The following PDE3B variants were observed in gnomAD, a reference collection of about 807,000 sequenced individuals.
The protein encoded by PDE3B is phosphodiesterase 3B.
Under a neutral mutation model 116.8 loss-of-function variants are expected in PDE3B, and 66 were observed. The observed-to-expected ratio is 0.56, with a 90% CI of 0.46 to 0.69. PDE3B has a LOEUF of 0.69. Ranked by LOEUF, PDE3B falls within the 30% of genes least tolerant of loss-of-function variation. The pLI is 0.00. For synonymous variants in PDE3B, 595 were observed against 533.6 expected (o/e 1.12, Z -1.59); for missense variants, 1,384 against 1,368.1 (o/e 1.01, Z -0.18).
chr11:14,660,341 G>T (rs1853857535), intron 1 of PDE3B, among the ~76,000 whole-genome samples: 2 of 141,382 alleles, frequency 1.4e-5, no homozygotes, highest in South Asian at 2.3e-4. Flanking sequence ...TCGCCCTGTT[G>T]CCCAGGCTGG....
In PDE3B at chr11:14,789,233, G is replaced by A. The variant is rs1178783526; in HGVS notation, c.1406G>A (p.Gly469Asp). Residue 469 changes from glycine to aspartate, a missense_variant, in exon 4 of 16, where the codon GGC becomes GAC. Coordinates refer to ENST00000282096, the MANE Select transcript of PDE3B (RefSeq NM_000922.4). ...NNGKRPHQEFGISSQGCYLNG... is the reference protein window; with the variant it reads ...NNGKRPHQEFDISSQGCYLNG... ...GGCAAAAGACCTCACCAAGAATTTG[G>A]CATTTCAAGGTAAAATCTGCAGAGC... The A allele has an allele frequency of 4.4e-6, 7 of 1,604,208 alleles. No individual in the cohort carries two copies. Among genetic ancestry groups the A allele is most frequent in the African/African-American group, 1.3e-5 (1 of 74,470 alleles).
intron 5 of PDE3B, among the ~76,000 whole-genome samples, chr11:14,810,675 A>G (rs1859098349): frequency 2.8e-5 from 4 of 143,536 alleles, no homozygotes; most frequent in Admixed American, 7.0e-5. Context: ...TCCTTTGGGT[A>G]TATACCCAGT....
intron 2 of PDE3B, among the ~76,000 whole-genome samples, chr11:14,778,290 C>T (rs1857855073): frequency 6.6e-6 from 1 of 152,128 alleles, no homozygotes; most frequent in African/African-American, 2.4e-5. Context: ...ACTTAAATGT[C>T]CCTGTCTGAC....
At chr11:14,759,543 A>G (rs544873244) in intron 1 of PDE3B, among the ~76,000 whole-genome samples, 1 of 150,512 alleles carries the variant, frequency 6.6e-6, no homozygotes, top group African/African-American at 2.5e-5. Flanking sequence ...TGTCTATCAG[A>G]AGTAGTTTTT....
chr11:14,848,843 T>A (rs1263867902), intron 12 of PDE3B, among the ~76,000 whole-genome samples: 4 of 152,044 alleles, frequency 2.6e-5, no homozygotes, highest in African/African-American at 4.8e-5. Flanking sequence ...TAAAAGAGGA[T>A]ACAAACAAAT....
intron 1 of PDE3B, among the ~76,000 whole-genome samples, chr11:14,671,704 C>G (rs946374950): frequency 1.3e-5 from 2 of 151,948 alleles, no homozygotes; most frequent in Admixed American, 1.3e-4. Flanking sequence ...CTTTCTCCCC[C>G]ATTTATCCCT....
chr11:14,692,611 T>C (rs1855076211), intron 1 of PDE3B, among the ~76,000 whole-genome samples: 1 of 152,134 alleles, frequency 6.6e-6, no homozygotes, highest in Non-Finnish European at 1.5e-5. Flanking sequence ...TCAGCGATCT[T>C]TGATGTTACT....
chr11:14,789,090 T>G lies in PDE3B; in HGVS notation c.1279-16T>G. 6.3e-7 allele frequency: 1 copy of G among 1,586,332 alleles called. No individual in the cohort carries two copies. Among genetic ancestry groups the G allele is most frequent in the Non-Finnish European group, 8.6e-7 (1 of 1,166,850 alleles). On this transcript the variant is annotated splice_polypyrimidine_tract_variant and intron_variant, in intron 3 of 15. Coordinates refer to ENST00000282096, the MANE Select transcript of PDE3B (RefSeq NM_000922.4). ...TAAAGAGTGACATTTTAAACCATTGTTAAATTATTCAACAGGGACTAAATA... is the reference window on the plus strand; with the variant it reads ...TAAAGAGTGACATTTTAAACCATTGGTAAATTATTCAACAGGGACTAAATA...
intron 1 of PDE3B, among the ~76,000 whole-genome samples, chr11:14,686,161 GT>G (rs141143253): frequency 3.5e-3 from 536 of 152,246 alleles, no homozygotes; most frequent in Non-Finnish European, 5.3e-3. Flanking sequence ...TTCTGCCTGG[GT>G]TTTAAATTCT....
At chr11:14,846,435 T>C (rs1442346804) in intron 12 of PDE3B, among the ~76,000 whole-genome samples, 1 of 151,988 alleles carries the variant, frequency 6.6e-6, no homozygotes, top group East Asian at 1.9e-4. Context: ...CATCAACTAA[T>C]GAGCAAAATA....
chr11:14,830,725 A>G lies in PDE3B; in HGVS notation c.1835A>G (p.Glu612Gly), dbSNP rs1229549665. The stretch of plus-strand genomic sequence containing the variant: ...GAAGAAGAAAACATTTTCTCGAAAG[A>G]ATCATTCAAACTTATGGAAACTCAA... Reference protein sequence around the residue: ...SGEEENIFSKESFKLMETQQE... With the variant: ...SGEEENIFSKGSFKLMETQQE... Residue 612 changes from glutamate to glycine, a missense_variant, in exon 8 of 16, where the codon GAA becomes GGA. By Grantham distance (98) the Glu-to-Gly change is moderately conservative. Transcript: ENST00000282096. The G allele has an allele frequency of 2.0e-6, 3 of 1,478,782 alleles. No individual in the cohort carries two copies. Among genetic ancestry groups the G allele is most frequent in the South Asian group, 2.9e-5 (2 of 68,804 alleles). 91.6% of individuals were successfully genotyped at this position (1,478,782 alleles called of 1,614,324 possible). A position where few individuals can be genotyped will look rare whatever the true frequency, so the allele number is the denominator to read the frequency against.
chr11:14,649,054 A>G (rs1336096831), intron 1 of PDE3B, among the ~76,000 whole-genome samples: 1 of 152,190 alleles, frequency 6.6e-6, no homozygotes, highest in African/African-American at 2.4e-5. Flanking sequence ...TATTTCCATT[A>G]TAGTGCATTA....
chr11:14,771,308 ATATTG>A (rs1438220138), intron 1 of PDE3B, among the ~76,000 whole-genome samples: 3 of 151,700 alleles, frequency 2.0e-5, no homozygotes, highest in African/African-American at 7.2e-5. Context: ...AGTGACTACT[ATATTG>A]GGTTGGGAAG....
chr11:14,826,169 A>G (rs1003985035), intron 7 of PDE3B, among the ~76,000 whole-genome samples: 1 of 152,172 alleles, frequency 6.6e-6, no homozygotes, highest in African/African-American at 2.4e-5. Flanking sequence ...AAAAATTTAG[A>G]GAGATCCCAA....
At chr11:14,772,512 A>G (rs1459127676) in intron 2 of PDE3B, 2 of 152,090 alleles carry the variant, frequency 1.3e-5, no homozygotes, top group African/African-American at 2.4e-5. Context: ...TGGTACTGAT[A>G]TGAAGAAATA....
rs142132206 is a variant in PDE3B at position 14,871,304 on chromosome 11, T to C, written c.*1644T>C. 6 of 152,270 alleles carry C rather than the reference T, an allele frequency of 3.9e-5. No individual in the cohort carries two copies. Among genetic ancestry groups the C allele is most frequent in the South Asian group, 2.1e-4 (1 of 4,828 alleles). 9.4% of individuals were successfully genotyped at this position (152,270 alleles called of 1,614,324 possible). On this transcript the variant is annotated 3_prime_UTR_variant, in exon 16 of 16. Transcript: ENST00000282096. Reference sequence around the variant, plus strand: ...TTCCTTGCTGCCACTTTTGTTACCATTGTCACACACTATGTGTAAACCAGT... The same window carrying C: ...TTCCTTGCTGCCACTTTTGTTACCACTGTCACACACTATGTGTAAACCAGT...
At chr11:14,874,377 C>T (rs117043980), downstream of PDE3B, among the ~76,000 whole-genome samples, 2 of 152,006 alleles carry the variant, frequency 1.3e-5, no homozygotes, top group African/African-American at 4.8e-5. Flanking sequence ...GTGAGATAAG[C>T]CCATTTATAT....
intron 12 of PDE3B, among the ~76,000 whole-genome samples, chr11:14,847,281 T>A (rs1379697018): frequency 1.3e-5 from 2 of 151,466 alleles, no homozygotes; most frequent in African/African-American, 4.9e-5. Flanking sequence ...AAAGATGTTC[T>A]TTGAAACCAA....
rs866721052 is a variant in PDE3B at position 14,850,245 on chromosome 11, A to T, written c.2520+6219A>T. On this transcript the variant is annotated intron_variant, in intron 12 of 15. Coordinates refer to ENST00000282096, the MANE Select transcript of PDE3B (RefSeq NM_000922.4). ...CAGTAAACTATCGCAAGAACAAAAA[A>T]CCAAACACCGCATATTCTCAGTCAT... Among the ~76,000 whole-genome samples, 4 of 151,936 alleles carry T rather than the reference A, an allele frequency of 2.6e-5. No homozygotes were observed. In the East Asian group the frequency reaches 5.8e-4, roughly 22 times the overall value.
Sources: gnomAD v4.1 joint callset for allele counts (sites outside exome capture counted in the v4.1 genomes callset) on GRCh38, gnomAD v4.1.1 for gene constraint, MANE v1.5 for transcripts, NCBI Gene and HGNC (gene_info 2026-07-23, HGNC 2026-07-21) for gene names.